Variants in LPAR3 observed in about 807,000 individuals in gnomAD.
LPAR3 encodes the protein LPA receptor 3.
In LPAR3, 7 loss-of-function variants were observed where a neutral mutation model predicts 17.8. The ratio of observed to expected loss-of-function variants is 0.39; its 90% CI spans 0.22 to 0.74. LPAR3 has a LOEUF of 0.74. Ranked by LOEUF, LPAR3 falls within the 30% of genes least tolerant of loss-of-function variation. The pLI is 0.40. For synonymous variants in LPAR3, 179 were observed against 179.9 expected (o/e 0.99, Z 0.04); for missense variants, 391 against 453.4 (o/e 0.86, Z 1.25).
intron 2 of LPAR3, among the ~76,000 whole-genome samples, chr1:84,819,569 T>C (rs528399043): frequency 6.6e-6 from 1 of 152,224 alleles, no homozygotes; most frequent in South Asian, 2.1e-4. Context: ...ATAGATGCCA[T>C]ATAGACTTAG....
At chr1:84,892,261 A>ATAAATAAAT (rs1553150718) in intron 1 of LPAR3, among the ~76,000 whole-genome samples, 2 of 107,770 alleles carry the variant, frequency 1.9e-5, no homozygotes, top group African/African-American at 7.2e-5. Context: ...AAATAAATAA[A>ATAAATAAAT]AACTAACCTA....
intron 1 of LPAR3, among the ~76,000 whole-genome samples, chr1:84,867,210 G>A (rs1416601928): frequency 6.6e-6 from 1 of 152,180 alleles, no homozygotes; most frequent in Non-Finnish European, 1.5e-5. Flanking sequence ...GTCTACACGT[G>A]GTGGGGAAAA....
chr1:84,867,771 T>G, intron 1 of LPAR3, among the ~76,000 whole-genome samples: 1 of 152,166 alleles, frequency 6.6e-6, no homozygotes, highest in East Asian at 1.9e-4. Context: ...GTCACCAATA[T>G]TTAACTGTAA....
At chr1:84,869,112 T>G (rs1660108860) in intron 1 of LPAR3, among the ~76,000 whole-genome samples, 1 of 152,198 alleles carries the variant, frequency 6.6e-6, no homozygotes, top group Admixed American at 6.5e-5. Context: ...ACTACTCAAA[T>G]TTTCCTAATT....
intron 2 of LPAR3, among the ~76,000 whole-genome samples, chr1:84,835,378 T>C (rs1485076116): frequency 6.6e-6 from 1 of 152,230 alleles, no homozygotes; most frequent in Non-Finnish European, 1.5e-5. Context: ...CCTTAAGTCT[T>C]TTGTTTTCCT....
chr1:84,850,513 G>T (rs1245419316), intron 2 of LPAR3, among the ~76,000 whole-genome samples: 1 of 152,108 alleles, frequency 6.6e-6, no homozygotes. Context: ...CTTGAACCTG[G>T]TAGGGGCAAA....
intron 2 of LPAR3, among the ~76,000 whole-genome samples, chr1:84,837,811 T>C (rs190167460): frequency 3.3e-5 from 5 of 152,342 alleles, no homozygotes; most frequent in Non-Finnish European, 5.9e-5. Context: ...AAAGGGCATA[T>C]GGTTTCCATC....
At chr1:84,866,265 C>CT in intron 1 of LPAR3, 127 bp from the exon 2 acceptor site, 1 of 686,472 alleles carries the variant, frequency 1.5e-6, no homozygotes, top group Non-Finnish European at 2.5e-6. Context: ...AGTGTCAGGT[C>CT]TCAGTGCAAA....
intron 1 of LPAR3, among the ~76,000 whole-genome samples, chr1:84,876,318 C>T (rs1660257335): frequency 6.6e-6 from 1 of 152,162 alleles, no homozygotes; most frequent in African/African-American, 2.4e-5. Context: ...TTCCAGCTCC[C>T]CTCCCTACCC....
intron 2 of LPAR3, among the ~76,000 whole-genome samples, chr1:84,863,765 A>G (rs527905743): frequency 6.6e-6 from 1 of 152,306 alleles, no homozygotes; most frequent in South Asian, 2.1e-4. Context: ...TGGATGTCTA[A>G]TAGGTTCCTA....
chr1:84,879,375 G>A (rs1660321017), intron 1 of LPAR3, among the ~76,000 whole-genome samples: 5 of 138,820 alleles, frequency 3.6e-5, no homozygotes, highest in South Asian at 2.2e-4. Context: ...ACAGTGGCGC[G>A]ATCTAGGCTC....
At chr1:84,881,607 C>A (rs569039096) in intron 1 of LPAR3, among the ~76,000 whole-genome samples, 2 of 152,294 alleles carry the variant, frequency 1.3e-5, no homozygotes, top group Admixed American at 1.3e-4. Flanking sequence ...CATCCTGTAA[C>A]TACACTAAAA....
rs1175209623 is a variant in LPAR3 at position 84,813,150 on chromosome 1, T to TAGAGAGAGAGAGAGAG, written c.*695_*696insCTCTCTCTCTCTCTCT. 13 of 110,702 alleles carry TAGAGAGAGAGAGAGAG rather than the reference T, an allele frequency of 1.2e-4. No individual in the cohort carries two copies. The highest frequency in any genetic ancestry group is 1.8e-4 in the Non-Finnish European group (10 of 54,762). 6.9% of individuals were successfully genotyped at this position (110,702 alleles called of 1,614,324 possible). On this transcript the variant is annotated 3_prime_UTR_variant, in exon 3 of 3. Coordinates refer to ENST00000370611, the MANE Select transcript of LPAR3 (RefSeq NM_012152.3). ...GAATATATATATATATATATATATA[T>TAGAGAGAGAGAGAGAG]ATATATATAGACACACACACACACA... is the stretch of plus-strand genomic sequence containing the variant.
At chr1:84,862,781 G>C (rs764817997) in intron 2 of LPAR3, among the ~76,000 whole-genome samples, 6 of 152,124 alleles carry the variant, frequency 3.9e-5, no homozygotes, top group Non-Finnish European at 8.8e-5. Flanking sequence ...CTTCTCATAA[G>C]GAGTAGACAG....
At chr1:84,864,628 A>G (rs905678811) in intron 2 of LPAR3, among the ~76,000 whole-genome samples, 20 of 151,868 alleles carry the variant, frequency 1.3e-4, no homozygotes, top group African/African-American at 4.8e-4. Flanking sequence ...CTAAAAATAC[A>G]AAAATTAGCT....
intron 2 of LPAR3, among the ~76,000 whole-genome samples, chr1:84,845,551 C>A (rs1233649325): frequency 6.6e-6 from 1 of 152,024 alleles, no homozygotes; most frequent in East Asian, 1.9e-4. Flanking sequence ...GTAATAAGCA[C>A]CTTTTGAACT....
chr1:84,847,299 T>G (rs185976690), intron 2 of LPAR3, among the ~76,000 whole-genome samples: 13 of 152,218 alleles, frequency 8.5e-5, no homozygotes, highest in Non-Finnish European at 1.3e-4. Flanking sequence ...AATACCTCAG[T>G]TGTTTCTTCA....
intron 2 of LPAR3, among the ~76,000 whole-genome samples, chr1:84,831,833 T>TATAC (rs2102750028): frequency 6.7e-6 from 1 of 148,478 alleles, no homozygotes; most frequent in South Asian, 2.1e-4. Context: ...AACTGTATCA[T>TATAC]ATATATATAT....
Position 84,879,304 on chromosome 1 carries a change from C to CTTTTCTT in LPAR3, c.-18-13173_-18-13167dup, listed in dbSNP as rs147298385. On this transcript the variant is annotated intron_variant, in intron 1 of 2. Transcript: ENST00000370611. The stretch of plus-strand genomic sequence containing the variant: ...ATCACATTTTCCTTTTCTTTCTTTT[C>CTTTTCTT]TTTTCTTTTTTCTTTTTTTTTTTTT... 8.5e-3 allele frequency among the ~76,000 whole-genome samples: 1,022 copies of CTTTTCTT among 120,056 alleles called. 52 individuals are homozygous for CTTTTCTT. Among genetic ancestry groups the CTTTTCTT allele is most frequent in the South Asian group, 0.012 (51 of 4,138 alleles). 78.8% of individuals were successfully genotyped at this position (120,056 alleles called of 152,430 possible).
Sources: allele counts gnomAD v4.1 joint callset (sites outside exome capture counted in the v4.1 genomes callset), GRCh38; gene constraint gnomAD v4.1.1; transcripts MANE v1.5; gene names NCBI Gene and HGNC (gene_info 2026-07-23, HGNC 2026-07-21).